Variants in STK33 observed in about 807,000 individuals in gnomAD.
The protein encoded by STK33 is serine/threonine-protein kinase 33.
Under a neutral mutation model 58.0 loss-of-function variants are expected in STK33, and 52 were observed. The observed-to-expected ratio is 0.90, with a 90% CI of 0.72 to 1.13. The LOEUF is 1.13. STK33 is among the 50% of genes most tolerant of loss of function. The pLI is 0.00. For synonymous variants in STK33, 215 were observed against 200.1 expected (o/e 1.07, Z -0.63); for missense variants, 630 against 604.2 (o/e 1.04, Z -0.45).
chr11:8,470,486 C>T (rs1385548587), intron 6 of STK33, among the ~76,000 whole-genome samples: 1 of 152,168 alleles, frequency 6.6e-6, no homozygotes, highest in Non-Finnish European at 1.5e-5. Context: ...TTATCATTCA[C>T]GTGTTCACTG....
At chr11:8,483,012 TGA>T (rs1033060589) in intron 1 of STK33, among the ~76,000 whole-genome samples, 21 of 152,160 alleles carry the variant, frequency 1.4e-4, no homozygotes, top group Admixed American at 1.4e-3. Flanking sequence ...ATTACAGAAG[TGA>T]GCCAACGCAC....
chr11:8,527,451 G>C (rs962873354), intron 1 of STK33, among the ~76,000 whole-genome samples: 1 of 151,576 alleles, frequency 6.6e-6, no homozygotes, highest in Non-Finnish European at 1.5e-5. Flanking sequence ...TCTGTTTGCT[G>C]TTATGTTTCA....
At chr11:8,390,136 T>C (rs1170287493), downstream of STK33, among the ~76,000 whole-genome samples, 2 of 152,230 alleles carry the variant, frequency 1.3e-5, no homozygotes, top group East Asian at 3.8e-4. Context: ...TCTGATATCA[T>C]CCTCTATTCT....
At chr11:8,414,983 A>C (rs1366017884) in intron 14 of STK33, among the ~76,000 whole-genome samples, 1 of 152,134 alleles carries the variant, frequency 6.6e-6, no homozygotes, top group East Asian at 1.9e-4. Context: ...TAACCATTAA[A>C]GAGCTGAAAT....
chr11:8,519,519 C>T (rs1215882666), intron 1 of STK33, among the ~76,000 whole-genome samples: 2 of 151,852 alleles, frequency 1.3e-5, no homozygotes, highest in Non-Finnish European at 1.5e-5. Flanking sequence ...GACAGAGACA[C>T]AAAAAACCCT....
the STK33 span, among the ~76,000 whole-genome samples, chr11:8,355,041 C>T: frequency 8.5e-5 from 13 of 152,362 alleles, no homozygotes; most frequent in South Asian, 2.1e-3. Flanking sequence ...AGGGGAACGA[C>T]GGGTTCAAGC....
At chr11:8,353,525 G>T in the STK33 span, among the ~76,000 whole-genome samples, 1 of 152,188 alleles carries the variant, frequency 6.6e-6, no homozygotes, top group Non-Finnish European at 1.5e-5. Flanking sequence ...CCCCAAACCT[G>T]CTGAAATCGG....
At chr11:8,525,560 G>A (rs1279763730) in intron 1 of STK33, among the ~76,000 whole-genome samples, 2 of 152,112 alleles carry the variant, frequency 1.3e-5, no homozygotes, top group African/African-American at 2.4e-5. Flanking sequence ...AAGGAAACCC[G>A]AATTCTATTC....
intron 12 of STK33, among the ~76,000 whole-genome samples, chr11:8,438,592 T>C (rs181958657): frequency 1.1e-4 from 17 of 152,316 alleles, no homozygotes; most frequent in Non-Finnish European, 2.2e-4. Context: ...AACATTATTA[T>C]GGTGATATGC....
intron 6 of STK33, among the ~76,000 whole-genome samples, chr11:8,472,532 T>C (rs1948875408): frequency 6.6e-6 from 1 of 152,150 alleles, no homozygotes; most frequent in South Asian, 2.1e-4. Context: ...TCAGAACATA[T>C]ACATTTATTA....
At chr11:8,584,056 G>A (rs372457325) in intron 1 of STK33, among the ~76,000 whole-genome samples, 3 of 150,626 alleles carry the variant, frequency 2.0e-5, no homozygotes, top group East Asian at 3.9e-4. Context: ...TACAGTCACT[G>A]CCTGTTACAT....
At chr11:8,445,506 C>T (rs959519827) in intron 11 of STK33, among the ~76,000 whole-genome samples, 8 of 152,070 alleles carry the variant, frequency 5.3e-5, no homozygotes, top group Non-Finnish European at 7.4e-5. Flanking sequence ...GTATGATATT[C>T]GCTGTTGGTG....
At position 8,452,966 on chromosome 11, in the gene STK33, GAAGAT is replaced by G. The variant is rs1946462350; in HGVS notation, c.787-65_787-61del. On this transcript the variant is annotated intron_variant, in intron 10 of 15. Transcript: ENST00000687296. ...TCCTGTCCTAGAGCTCACTCATTCTGAAGATAAGACTTCACATTGAATTTGCATTG... is the reference window on the plus strand; with the variant it reads ...TCCTGTCCTAGAGCTCACTCATTCTGAAGACTTCACATTGAATTTGCATTG... The G allele has an allele frequency of 2.1e-6, 3 of 1,411,946 alleles. No individual in the cohort carries two copies. In the South Asian group the frequency reaches 3.5e-5, roughly 16 times the overall value. 87.5% of individuals were successfully genotyped at this position (1,411,946 alleles called of 1,614,324 possible).
At chr11:8,420,231 C>A (rs1246446725) in intron 14 of STK33, among the ~76,000 whole-genome samples, 2 of 152,120 alleles carry the variant, frequency 1.3e-5, no homozygotes, top group Non-Finnish European at 1.5e-5. Flanking sequence ...CCAAACATGT[C>A]CTGAAGTGTT....
the STK33 span, among the ~76,000 whole-genome samples, chr11:8,376,333 G>T: frequency 6.6e-6 from 1 of 152,174 alleles, no homozygotes; most frequent in Non-Finnish European, 1.5e-5. Context: ...CTGCACACAC[G>T]TGTGTTCACA....
chr11:8,523,171 G>A (rs1953653244), intron 1 of STK33, among the ~76,000 whole-genome samples: 1 of 152,202 alleles, frequency 6.6e-6, no homozygotes, highest in Non-Finnish European at 1.5e-5. Context: ...GCCTGCGATG[G>A]CCTCCCAAAG....
chr11:8,391,041 G>A (rs532925559), downstream of STK33, among the ~76,000 whole-genome samples: 69 of 152,280 alleles, frequency 4.5e-4, no homozygotes, highest in South Asian at 6.2e-4. Flanking sequence ...TCTCCCCGCC[G>A]GAGGTGACGG....
intron 15 of STK33, among the ~76,000 whole-genome samples, chr11:8,393,105 T>C (rs12226334): frequency 0.15 from 22,551 of 152,232 alleles, 1,788 homozygotes; most frequent in East Asian, 0.27. Flanking sequence ...TTCTTTCTAA[T>C]CTGTGTATGA....
intron 1 of STK33, among the ~76,000 whole-genome samples, chr11:8,592,336 A>C (rs1420304388): frequency 1.3e-5 from 2 of 152,210 alleles, no homozygotes; most frequent in African/African-American, 2.4e-5. Flanking sequence ...CAATACAAAA[A>C]CCATCAAAAA....
Sources: allele counts gnomAD v4.1 joint callset (sites outside exome capture counted in the v4.1 genomes callset), GRCh38; gene constraint gnomAD v4.1.1; transcripts MANE v1.5; gene names NCBI Gene and HGNC (gene_info 2026-07-23, HGNC 2026-07-21).